CDKAL1: variants seen among roughly 807,000 people sequenced by gnomAD.
CDKAL1 encodes the protein threonylcarbamoyladenosine tRNA methylthiotransferase.
In CDKAL1, 32 loss-of-function variants were observed where a neutral mutation model predicts 68.2. The observed-to-expected ratio is 0.47, with a 90% CI of 0.35 to 0.63. The LOEUF is 0.63. CDKAL1 is among the 30% of genes least tolerant of loss of function. CDKAL1 has a pLI of 0.00. For synonymous variants in CDKAL1, 234 were observed against 244.3 expected (o/e 0.96, Z 0.39); for missense variants, 606 against 696.7 (o/e 0.87, Z 1.47).
intron 13 of CDKAL1, among the ~76,000 whole-genome samples, chr6:21,172,178 C>A (rs1323178821): frequency 6.6e-6 from 1 of 152,156 alleles, no homozygotes; most frequent in East Asian, 1.9e-4. Flanking sequence ...TGAACCCTCA[C>A]AATCGGGGGT....
chr6:20,552,015 C>T (rs1763853229), intron 4 of CDKAL1, among the ~76,000 whole-genome samples: 1 of 149,040 alleles, frequency 6.7e-6, no homozygotes, highest in African/African-American at 2.5e-5. Context: ...AGTTGTGTGC[C>T]TGGCTAAGAA....
chr6:20,943,479 G>A (rs1006147314), intron 9 of CDKAL1, among the ~76,000 whole-genome samples: 40 of 151,936 alleles, frequency 2.6e-4, no homozygotes, highest in African/African-American at 9.4e-4. Flanking sequence ...GGTAAATTTA[G>A]CCATATTTTA....
At chr6:20,995,262 A>G (rs1767040319) in intron 10 of CDKAL1, among the ~76,000 whole-genome samples, 1 of 152,138 alleles carries the variant, frequency 6.6e-6, no homozygotes, top group Non-Finnish European at 1.5e-5. Flanking sequence ...TCCTGTTTAT[A>G]TTGATATTTT....
rs116069310 is a variant in CDKAL1 at position 20,757,335 on chromosome 6, T to A, written c.469-1260T>A. 6.7e-3 allele frequency among the ~76,000 whole-genome samples: 1,015 copies of A among 152,134 alleles called. 4 individuals are homozygous for A. The highest frequency in any genetic ancestry group is 0.011 in the Non-Finnish European group (757 of 68,002). The stretch of plus-strand genomic sequence containing the variant: ...TAATGAAAGAATAGAAATTTTTTCA[T>A]CAATAGAGGTATGGATGCATGCATC... On this transcript the variant is annotated intron_variant, in intron 6 of 15. Coordinates refer to ENST00000274695, the MANE Select transcript of CDKAL1 (RefSeq NM_017774.3).
At chr6:20,535,778 T>C (rs1353154552) in intron 2 of CDKAL1, among the ~76,000 whole-genome samples, 1 of 152,206 alleles carries the variant, frequency 6.6e-6, no homozygotes, top group East Asian at 1.9e-4. Context: ...TTTCTTCCCC[T>C]CTGGGTGATG....
chr6:20,576,910 A>G (rs1445079809), intron 4 of CDKAL1, among the ~76,000 whole-genome samples: 3 of 152,136 alleles, frequency 2.0e-5, no homozygotes, highest in Non-Finnish European at 4.4e-5. Flanking sequence ...TGGCACAGGT[A>G]TATATATATT....
intron 9 of CDKAL1, among the ~76,000 whole-genome samples, chr6:20,936,497 G>T (rs542828503): frequency 6.6e-6 from 1 of 151,278 alleles, no homozygotes; most frequent in Admixed American, 6.6e-5. Flanking sequence ...TGATCCGCCC[G>T]CCTCGGCCTC....
chr6:20,954,662 G>T (rs1196491341), intron 9 of CDKAL1, among the ~76,000 whole-genome samples: 1 of 152,106 alleles, frequency 6.6e-6, no homozygotes, highest in Admixed American at 6.5e-5. Flanking sequence ...ACATGAGGGG[G>T]ATCCCAAAGT....
chr6:21,094,724 G>C (rs923662014), intron 12 of CDKAL1, among the ~76,000 whole-genome samples: 10 of 152,268 alleles, frequency 6.6e-5, no homozygotes, highest in Non-Finnish European at 1.5e-4. Context: ...CCAGACACTA[G>C]GTAAAGAGAT....
intron 8 of CDKAL1, among the ~76,000 whole-genome samples, chr6:20,817,479 T>G (rs1777095172): frequency 6.6e-6 from 1 of 152,180 alleles, no homozygotes; most frequent in African/African-American, 2.4e-5. Context: ...TTAAATAATT[T>G]TATTGGGAAA....
chr6:21,004,437 AAAG>A (rs988165563), intron 11 of CDKAL1, among the ~76,000 whole-genome samples: 5 of 152,244 alleles, frequency 3.3e-5, no homozygotes, highest in African/African-American at 1.2e-4. Flanking sequence ...CAACCTTTGC[AAAG>A]AAGAGCGTCT....
chr6:20,770,334 A>T (rs934375816), intron 7 of CDKAL1, among the ~76,000 whole-genome samples: 32 of 152,190 alleles, frequency 2.1e-4, no homozygotes, highest in African/African-American at 6.3e-4. Flanking sequence ...ATTCTTGTGT[A>T]TGTGTTGTAA....
At chr6:20,629,344 G>A (rs1191163882) in intron 4 of CDKAL1, among the ~76,000 whole-genome samples, 3 of 152,130 alleles carry the variant, frequency 2.0e-5, no homozygotes, top group Admixed American at 6.5e-5. Context: ...CCTATTATTG[G>A]TGATGTTAAC....
chr6:21,201,342 A>C, intron 15 of CDKAL1, 68 bp downstream of exon 15: 1 of 1,376,456 alleles, frequency 7.3e-7, no homozygotes, highest in Non-Finnish European at 1.0e-6. Flanking sequence ...CAGTGATTCC[A>C]GGCCATGTTT....
intron 8 of CDKAL1, among the ~76,000 whole-genome samples, chr6:20,842,591 G>A (rs908218733): frequency 6.6e-6 from 1 of 152,180 alleles, no homozygotes; most frequent in Non-Finnish European, 1.5e-5. Flanking sequence ...CAGCACTTTG[G>A]GAGGCCAAGG....
At chr6:20,813,108 G>GTCTGTC (rs1357685836) in intron 8 of CDKAL1, among the ~76,000 whole-genome samples, 2 of 151,786 alleles carry the variant, frequency 1.3e-5, no homozygotes, top group African/African-American at 2.4e-5. Flanking sequence ...CTCTCTCCTT[G>GTCTGTC]TCTGTCTCTG....
intron 7 of CDKAL1, among the ~76,000 whole-genome samples, chr6:20,772,566 A>C (rs1240215368): frequency 6.6e-6 from 1 of 152,256 alleles, no homozygotes; most frequent in Non-Finnish European, 1.5e-5. Flanking sequence ...TTGCTTATGC[A>C]GATTACTTTG....
intron 15 of CDKAL1, among the ~76,000 whole-genome samples, 167 bp from the exon 16 acceptor site, chr6:21,230,681 T>C (rs1779931393): frequency 6.6e-6 from 1 of 152,216 alleles, no homozygotes; most frequent in South Asian, 2.1e-4. Flanking sequence ...ACTGACTCAT[T>C]CATACCTACC....
chr6:20,938,133 T>TG (rs1413575562), intron 9 of CDKAL1, among the ~76,000 whole-genome samples: 1 of 152,192 alleles, frequency 6.6e-6, no homozygotes, highest in Admixed American at 6.5e-5. Context: ...TTTATTTTGT[T>TG]CTATACTTTA....
Sources: gnomAD v4.1 joint callset for allele counts (sites outside exome capture counted in the v4.1 genomes callset) on GRCh38, gnomAD v4.1.1 for gene constraint, MANE v1.5 for transcripts, NCBI Gene and HGNC (gene_info 2026-07-23, HGNC 2026-07-21) for gene names.